Variants in STS observed in about 807,000 individuals in gnomAD.
STS encodes the protein steryl-sulfatase.
A neutral mutation model predicts 26.8 loss-of-function variants in STS; 7 were observed. The observed-to-expected ratio is 0.26, with a 90% CI of 0.15 to 0.49. STS has a LOEUF of 0.49. Ranked by LOEUF, STS falls within the 20% of genes least tolerant of loss-of-function variation. The probability of loss-of-function intolerance (pLI) is 0.98; values close to 1 mark genes in which losing one functional copy is unlikely to be tolerated. For synonymous variants in STS, 199 were observed against 189.4 expected (o/e 1.05, Z -0.42); for missense variants, 434 against 465.6 (o/e 0.93, Z 0.63).
At chrX:7,153,802 C>T (rs749442165) in intron 1 of STS, among the ~76,000 whole-genome samples, 139 of 103,896 alleles carry the variant, frequency 1.3e-3, no homozygotes, top group Middle Eastern at 9.8e-3. Context: ...TTCCTGTCCT[C>T]CTCCTCAACT....
chrX:7,333,811 A>G (rs1927875240), intron 9 of STS, among the ~76,000 whole-genome samples, 175 bp from the exon 10 acceptor site: 1 of 112,673 alleles, frequency 8.9e-6, no homozygotes, highest in African/African-American at 3.2e-5. Flanking sequence ...TGCAGATGTA[A>G]TGAGATAATG....
chrX:7,345,783 C>G (rs1381004738), intron 10 of STS, among the ~76,000 whole-genome samples: 1 of 111,762 alleles, frequency 8.9e-6, no homozygotes, highest in Non-Finnish European at 1.9e-5. Flanking sequence ...TGAGACCTGG[C>G]CTGCCACAAC....
At chrX:7,203,083 T>C (rs1934104204) in intron 2 of STS, among the ~76,000 whole-genome samples, 1 of 110,986 alleles carries the variant, frequency 9.0e-6, no homozygotes, top group Admixed American at 9.6e-5. Flanking sequence ...TCTTTCTCTC[T>C]CTTCAAGCTG....
At chrX:7,202,123 T>TTTAG (rs1369001408) in intron 2 of STS, among the ~76,000 whole-genome samples, 1 of 111,777 alleles carries the variant, frequency 8.9e-6, no homozygotes, top group Non-Finnish European at 1.9e-5. Context: ...TATAAATATA[T>TTTAG]TTAGTATCAA....
chrX:7,215,948 CA>C (rs1368797414), intron 2 of STS, among the ~76,000 whole-genome samples: 1 of 111,824 alleles, frequency 8.9e-6, no homozygotes, highest in African/African-American at 3.3e-5. Flanking sequence ...ACCATGTGAC[CA>C]ATGCTAGGTC....
At position 7,158,121 on chromosome X, in the gene STS, T is replaced by C. The variant is rs994663119; in HGVS notation, c.-134+10038T>C. Reference sequence around the variant, plus strand: ...CAAATGACATGGCATGCATCTCTCTTAGCCTCAGTCCAATGTTGAGGCTTC... The same window carrying C: ...CAAATGACATGGCATGCATCTCTCTCAGCCTCAGTCCAATGTTGAGGCTTC... On this transcript the variant is annotated intron_variant, in intron 1 of 10. Coordinates refer to ENST00000674429, the MANE Select transcript of STS (RefSeq NM_001320752.2). Among the ~76,000 whole-genome samples the C allele has an allele frequency of 7.2e-5, 8 of 111,457 alleles. No individual in the cohort carries two copies. In the East Asian group the frequency reaches 2.0e-3, roughly 28 times the overall value.
Position 7,350,493 on chromosome X carries a change from G to C in STS, c.*232G>C, listed in dbSNP as rs1928749360. The C allele has an allele frequency of 2.3e-6, 1 of 436,728 alleles. No homozygotes were observed. The highest frequency in any genetic ancestry group is 2.5e-5 in the African/African-American group (1 of 40,226). The allele number at this position is 436,728 out of a possible 1,213,427, so 36.0% of individuals were successfully genotyped here. On this transcript the variant is annotated 3_prime_UTR_variant, in exon 11 of 11. Transcript: ENST00000674429. ...GGAAGATGGTAGGTTTATGCCTTCT[G>C]TGGCCAGAGTCTTGGACTCATGGAA...
In STS at chrX:7,240,531, G is replaced by GTATA. The variant is rs760692656; in HGVS notation, c.-4-12664_-4-12663insATAT. On this transcript the variant is annotated intron_variant, in intron 2 of 10. Coordinates refer to ENST00000674429, the MANE Select transcript of STS (RefSeq NM_001320752.2). ...TGTGTGTGTGTGTGTGTGTGTGTGTGTGTATATATATATATATATATAAAA... is the reference window on the plus strand; with the variant it reads ...TGTGTGTGTGTGTGTGTGTGTGTGTGTATATGTATATATATATATATATATAAAA... Among the ~76,000 whole-genome samples the GTATA allele has an allele frequency of 6.7e-3, 388 of 57,594 alleles. 3 individuals are homozygous for GTATA. The highest frequency in any genetic ancestry group is 0.024 in the East Asian group (44 of 1,808). 50.0% of individuals were successfully genotyped at this position (57,594 alleles called of 115,157 possible).
chrX:7,252,359 C>A lies in STS; in HGVS notation c.-4-837C>A. ...GATATTGAGTAAGTAAGACCTCAGGCTACCACACTGCACACCTACCTGCTA... is the reference window on the plus strand; with the variant it reads ...GATATTGAGTAAGTAAGACCTCAGGATACCACACTGCACACCTACCTGCTA... On this transcript the variant is annotated intron_variant, in intron 2 of 10. Transcript: ENST00000674429. The A allele has an allele frequency of 4.5e-6, 3 of 673,267 alleles. No homozygotes were observed. The South Asian group carries it at 2.3e-4, about 52-fold the overall frequency. 55.5% of individuals were successfully genotyped at this position (673,267 alleles called of 1,213,427 possible).
intron 2 of STS, among the ~76,000 whole-genome samples, chrX:7,239,503 C>G (rs1392697650): frequency 8.9e-6 from 1 of 112,124 alleles, no homozygotes; most frequent in East Asian, 2.8e-4. Flanking sequence ...TTCTAATGAA[C>G]AAATTTAATA....
At chrX:7,262,842 C>T (rs190713815) in intron 6 of STS, among the ~76,000 whole-genome samples, 6 of 111,784 alleles carry the variant, frequency 5.4e-5, no homozygotes, top group Non-Finnish European at 1.1e-4. Flanking sequence ...AAAATCAACA[C>T]CAGCCTTGGA....
Position 7,269,605 on chromosome X carries a change from G to A in STS, c.807-6346G>A, listed in dbSNP as rs192591549. On this transcript the variant is annotated intron_variant, in intron 6 of 10. Coordinates refer to ENST00000674429, the MANE Select transcript of STS (RefSeq NM_001320752.2). ...CTGTGGGTTGCTGATGGCAGGGTCC[G>A]GTCCAGTCTCTCTTTATATTTCTGG... Among the ~76,000 whole-genome samples the A allele has an allele frequency of 1.5e-3, 166 of 110,423 alleles. 2 individuals carry two copies. Among genetic ancestry groups the A allele is most frequent in the Non-Finnish European group, 2.8e-3 (149 of 52,828 alleles).
At chrX:7,201,409 A>G (rs1934071043) in intron 2 of STS, among the ~76,000 whole-genome samples, 1 of 111,615 alleles carries the variant, frequency 9.0e-6, no homozygotes, top group East Asian at 2.8e-4. Flanking sequence ...ACCTAAACCA[A>G]TTTTGTGTTT....
chrX:7,258,109 GATAGATAGA>G (rs1923526796), intron 5 of STS, among the ~76,000 whole-genome samples: 1 of 20,483 alleles, frequency 4.9e-5, no homozygotes, highest in Admixed American at 9.8e-4. Context: ...AACAGACATA[GATAGATAGA>G]TAGATAGATA....
intron 1 of STS, among the ~76,000 whole-genome samples, chrX:7,184,448 A>G (rs183581268): frequency 1.8e-5 from 2 of 112,495 alleles, no homozygotes; most frequent in East Asian, 5.6e-4. Flanking sequence ...CCAATTAAAA[A>G]TTTACTCCTG....
At chrX:7,337,170 G>C (rs1380229088) in intron 10 of STS, among the ~76,000 whole-genome samples, 1 of 112,188 alleles carries the variant, frequency 8.9e-6, no homozygotes, top group African/African-American at 3.2e-5. Context: ...CATATTTGCT[G>C]TCTTGGCTTT....
intron 1 of STS, among the ~76,000 whole-genome samples, chrX:7,170,877 T>C (rs1046851611): frequency 4.5e-5 from 5 of 111,738 alleles, no homozygotes; most frequent in African/African-American, 1.3e-4. Context: ...AGTCACTGTA[T>C]TGATAACTCC....
intron 5 of STS, among the ~76,000 whole-genome samples, chrX:7,258,414 A>G (rs1437583902): frequency 3.6e-5 from 4 of 111,836 alleles, no homozygotes; most frequent in African/African-American, 1.3e-4. Context: ...AAAGATAGAC[A>G]TATACATAGA....
In STS at chrX:7,350,005, C is replaced by A. The variant is rs1282006464; in HGVS notation, c.1481C>A (p.Pro494Gln). The A allele has an allele frequency of 1.7e-6, 2 of 1,211,842 alleles. No individual in the cohort carries two copies. The highest frequency in any genetic ancestry group is 2.2e-6 in the Non-Finnish European group (2 of 895,461). ...GGGAGTTATGTCACCCATCACGACC[C>A]ACCTTTACTCTTTGATATTTCCAAA... ...CFGSYVTHHDPPLLFDISKDP... is the reference protein window; with the variant it reads ...CFGSYVTHHDQPLLFDISKDP... The change falls in exon 11 of 11, where the codon CCA becomes CAA. Residue 494 changes from proline to glutamine, a missense_variant. Around this residue, in one of 2 missense-constraint regions of STS, gnomAD observed 205 missense variants for 177.3 expected, o/e 1.16. Coordinates refer to ENST00000674429, the MANE Select transcript of STS (RefSeq NM_001320752.2).
Sources: gnomAD v4.1 joint callset for allele counts (sites outside exome capture counted in the v4.1 genomes callset) on GRCh38, gnomAD v4.1.1 for gene constraint, gnomAD v4.1.1 regional missense constraint, MANE v1.5 for transcripts, NCBI Gene and HGNC (gene_info 2026-07-23, HGNC 2026-07-21) for gene names.